Variants in CACNB2 observed in about 807,000 individuals in gnomAD.
The protein encoded by CACNB2 is voltage-dependent L-type calcium channel subunit beta-2.
A neutral mutation model predicts 73.3 loss-of-function variants in CACNB2; 42 were observed. The ratio of observed to expected loss-of-function variants is 0.57; its 90% CI spans 0.45 to 0.74. CACNB2 has a LOEUF of 0.74. CACNB2 is among the 30% of genes least tolerant of loss of function. CACNB2 has a pLI of 0.00. For synonymous variants in CACNB2, 348 were observed against 310.3 expected (o/e 1.12, Z -1.28); for missense variants, 940 against 853.0 (o/e 1.10, Z -1.27).
At chr10:18,367,845 T>C (rs2042419265) in intron 2 of CACNB2, among the ~76,000 whole-genome samples, 1 of 152,246 alleles carries the variant, frequency 6.6e-6, no homozygotes, top group Non-Finnish European at 1.5e-5. Context: ...TTAATAATTA[T>C]GTTTCTGCTT....
intron 5 of CACNB2, among the ~76,000 whole-genome samples, chr10:18,505,560 T>C (rs75070986): frequency 0.052 from 7,898 of 152,232 alleles, 436 homozygotes; most frequent in South Asian, 0.16. Flanking sequence ...ATATTGCCCT[T>C]TGATGCATAA....
At chr10:18,296,451 G>A (rs941697223) in intron 2 of CACNB2, among the ~76,000 whole-genome samples, 1 of 152,086 alleles carries the variant, frequency 6.6e-6, no homozygotes, top group Non-Finnish European at 1.5e-5. Flanking sequence ...CATACGTTGA[G>A]AGAGTATTTT....
At position 18,359,457 on chromosome 10, in the gene CACNB2, A is replaced by C. The variant is rs147721788; in HGVS notation, c.214-42467A>C. 4.2e-3 allele frequency among the ~76,000 whole-genome samples: 646 copies of C among 152,088 alleles called. 6 individuals are homozygous for C. The highest frequency in any genetic ancestry group is 0.011 in the African/African-American group (461 of 41,488). On this transcript the variant is annotated intron_variant, in intron 2 of 13. Coordinates refer to ENST00000324631, the MANE Select transcript of CACNB2 (RefSeq NM_201596.3). ...CGGCTAATTTTTTTTTATTTTTAGC[A>C]GGGATGAGATTTTATCATGTTGGCC... is the stretch of plus-strand genomic sequence containing the variant.
intron 5 of CACNB2, among the ~76,000 whole-genome samples, chr10:18,503,766 A>C (rs751400941): frequency 3.3e-5 from 5 of 152,198 alleles, no homozygotes; most frequent in Non-Finnish European, 7.3e-5. Flanking sequence ...TTGTCAAATG[A>C]CTTGAGAAAG....
At chr10:18,322,464 A>G (rs2040430394) in intron 2 of CACNB2, among the ~76,000 whole-genome samples, 1 of 152,178 alleles carries the variant, frequency 6.6e-6, no homozygotes, top group South Asian at 2.1e-4. Context: ...TATATGTAAC[A>G]AGTTTGTTGT....
At chr10:18,481,671 G>T (rs2048785746) in intron 3 of CACNB2, among the ~76,000 whole-genome samples, 4 of 151,958 alleles carry the variant, frequency 2.6e-5, no homozygotes, top group Admixed American at 2.6e-4. Context: ...CCCTCAGATG[G>T]TCTCTTCCTC....
chr10:18,311,705 G>C (rs1202904411), intron 2 of CACNB2, among the ~76,000 whole-genome samples: 2 of 152,208 alleles, frequency 1.3e-5, no homozygotes, highest in Non-Finnish European at 2.9e-5. Context: ...GGCTAAGGAA[G>C]AGGAGGGGTT....
At chr10:18,222,983 C>G (rs1160281967) in intron 2 of CACNB2, among the ~76,000 whole-genome samples, 1 of 152,130 alleles carries the variant, frequency 6.6e-6, no homozygotes, top group Admixed American at 6.6e-5. Flanking sequence ...AGTAAGCTTT[C>G]ATTCCTTTGT....
At chr10:18,300,400 T>C (rs557050760) in intron 2 of CACNB2, among the ~76,000 whole-genome samples, 3 of 152,302 alleles carry the variant, frequency 2.0e-5, no homozygotes, top group East Asian at 1.9e-4. Context: ...TGAAATTTCA[T>C]TGCTGCTACT....
intron 2 of CACNB2, among the ~76,000 whole-genome samples, chr10:18,277,056 G>T (rs1396634596): frequency 1.3e-5 from 2 of 152,204 alleles, no homozygotes; most frequent in East Asian, 3.9e-4. Context: ...GGTCGAGGCT[G>T]CAGTGAGCCG....
chr10:18,459,369 T>C (rs2132663065), intron 3 of CACNB2, among the ~76,000 whole-genome samples: 1 of 152,322 alleles, frequency 6.6e-6, no homozygotes, highest in South Asian at 2.1e-4. Flanking sequence ...GCTGAGATTA[T>C]CCCATGGGAC....
At chr10:18,361,363 A>G (rs2042130001) in intron 2 of CACNB2, among the ~76,000 whole-genome samples, 1 of 151,332 alleles carries the variant, frequency 6.6e-6, no homozygotes, top group Non-Finnish European at 1.5e-5. Flanking sequence ...GCTGTGCATG[A>G]TGGTGCATGC....
intron 10 of CACNB2, among the ~76,000 whole-genome samples, chr10:18,528,435 A>G (rs543170701): frequency 6.6e-6 from 1 of 152,044 alleles, no homozygotes; most frequent in Non-Finnish European, 1.5e-5. Flanking sequence ...TGCTTACTGG[A>G]TGGTTAGGTT....
chr10:18,476,851 A>G (rs2048465792), intron 3 of CACNB2, among the ~76,000 whole-genome samples: 1 of 152,138 alleles, frequency 6.6e-6, no homozygotes, highest in Admixed American at 6.5e-5. Context: ...CGTCTCTACC[A>G]AAAATATTTA....
chr10:18,156,189 C>T (rs140093906), intron 2 of CACNB2, among the ~76,000 whole-genome samples: 11 of 152,236 alleles, frequency 7.2e-5, no homozygotes, highest in East Asian at 5.8e-4. Context: ...AGTTAGGTAA[C>T]GAACCTTATC....
rs372916856 is a variant in CACNB2, at chr10:18,288,676, TACACACACACACAC to T, written c.214-113232_214-113219del. Among the ~76,000 whole-genome samples, 5 of 144,312 alleles carry T rather than the reference TACACACACACACAC, an allele frequency of 3.5e-5. No individual in the cohort carries two copies. The East Asian group carries it at 6.0e-4, about 17-fold the overall frequency. 94.7% of individuals were successfully genotyped at this position (144,312 alleles called of 152,430 possible). ...AGCAAGATGCAGCAAATGAGATTTA[TACACACACACACAC>T]ACACACACACACACAGAGATACCCA... On this transcript the variant is annotated intron_variant, in intron 2 of 13. Transcript: ENST00000324631.
At chr10:18,268,937 T>C (rs1023928464) in intron 2 of CACNB2, among the ~76,000 whole-genome samples, 1 of 152,150 alleles carries the variant, frequency 6.6e-6, no homozygotes, top group Non-Finnish European at 1.5e-5. Context: ...TCTGGCCTTC[T>C]TCTTGATCAA....
rs182972083 is a variant in CACNB2 at position 18,365,874 on chromosome 10, G to A, written c.214-36050G>A. ...ACTCAGATCAAGAAAGAAAAGAAATGTATAGAACTATCTTTGTTGAGGATG... is the reference window on the plus strand; with the variant it reads ...ACTCAGATCAAGAAAGAAAAGAAATATATAGAACTATCTTTGTTGAGGATG... On this transcript the variant is annotated intron_variant, in intron 2 of 13. Coordinates refer to ENST00000324631, the MANE Select transcript of CACNB2 (RefSeq NM_201596.3). Among the ~76,000 whole-genome samples, 34 of 152,288 alleles carry A rather than the reference G, an allele frequency of 2.2e-4. No individual in the cohort carries two copies. In the East Asian group the frequency reaches 6.4e-3, roughly 29 times the overall value.
At chr10:18,491,541 T>C (rs1352476907) in intron 3 of CACNB2, among the ~76,000 whole-genome samples, 3 of 152,134 alleles carry the variant, frequency 2.0e-5, no homozygotes, top group Non-Finnish European at 4.4e-5. Flanking sequence ...TGAGCCATGA[T>C]TGCACCACTT....
Sources: allele counts gnomAD v4.1 joint callset (sites outside exome capture counted in the v4.1 genomes callset), GRCh38; gene constraint gnomAD v4.1.1; transcripts MANE v1.5; gene names NCBI Gene and HGNC (gene_info 2026-07-23, HGNC 2026-07-21).